GHSR: variants seen among roughly 807,000 people sequenced by gnomAD.
The protein encoded by GHSR is growth hormone secretagogue receptor type 1.
GHSR carries 17 observed loss-of-function variants against 24.0 expected under a neutral mutation model. The observed-to-expected ratio is 0.71, with a 90% CI of 0.49 to 1.06. The LOEUF (loss-of-function observed/expected upper bound fraction) is 1.06, where lower values mean the gene tolerates loss of function less well. Ranked by LOEUF, GHSR falls within the 50% of genes least tolerant of loss-of-function variation. The pLI, the probability that GHSR is intolerant of heterozygous loss-of-function variation, is 0.00. For synonymous variants in GHSR, 238 were observed against 208.1 expected (o/e 1.14, Z -1.24); for missense variants, 504 against 483.1 (o/e 1.04, Z -0.41).
rs1311624997 is a variant in GHSR at position 172,447,721 on chromosome 3, G to A, written c.693C>T (p.Leu231=). Residue 231 remains leucine, a synonymous_variant, in exon 1 of 2, where the codon CTC becomes CTT. Transcript: ENST00000241256. ...ACAGCTTCCTGCCGATGAGACTGTA[G>A]AGGACCGTGAGACAGAAGACAGGAA... ...FFLPVFCLTV[L]YSLIGRKLWR... 1.9e-6 allele frequency: 3 copies of A among 1,614,034 alleles called. No homozygotes were observed. Among genetic ancestry groups the A allele is most frequent in the Non-Finnish European group, 1.7e-6 (2 of 1,180,044 alleles).
rs145364247 is a variant in GHSR, at chr3:172,444,322, G to A, written c.*839C>T. On this transcript the variant is annotated 3_prime_UTR_variant, in exon 2 of 2. Coordinates refer to ENST00000241256, the MANE Select transcript of GHSR (RefSeq NM_198407.2). ...TTTAAACATTTCATATAAGGTGAAT[G>A]ATAAGTTTTGTATATACTCTAGAGC... is the stretch of plus-strand genomic sequence containing the variant. 6.6e-6 allele frequency among the ~76,000 whole-genome samples: 1 copy of A among 152,292 alleles called. No individual in the cohort carries two copies. The highest frequency in any genetic ancestry group is 1.9e-4 in the East Asian group (1 of 5,192).
chr3:172,447,573 G>T (rs770900158), intron 1 of GHSR, 45 bp downstream of exon 1: 3 of 1,610,662 alleles, frequency 1.9e-6, no homozygotes, highest in South Asian at 2.2e-5. Flanking sequence ...CACAGGGAGA[G>T]GATAGGACCC....
In GHSR at chr3:172,447,691, C is replaced by T; in HGVS notation, c.723G>A (p.Arg241=). ...CCACGACAGCATCGCCGCGCCTCCT[C>T]CGCCACAGCTTCCTGCCGATGAGAC... is the stretch of plus-strand genomic sequence containing the variant. ...LYSLIGRKLW[R]RRRGDAVVGA... Residue 241 remains arginine, a synonymous_variant, in exon 1 of 2, where the codon CGG becomes CGA. Coordinates refer to ENST00000241256, the MANE Select transcript of GHSR (RefSeq NM_198407.2). The T allele has an allele frequency of 6.2e-7, 1 of 1,614,098 alleles. No individual in the cohort carries two copies. The highest frequency in any genetic ancestry group is 8.5e-7 in the Non-Finnish European group (1 of 1,180,012).
In GHSR at chr3:172,444,084, G is replaced by A. The variant is rs1737400384; in HGVS notation, c.*1077C>T. Among the ~76,000 whole-genome samples the A allele has an allele frequency of 6.6e-6, 1 of 152,120 alleles. No homozygotes were observed. ...TTTGTTAAGCCATATGAGGCAGTTT[G>A]TGATTACCCATAATTGTTTTAAAAA... On this transcript the variant is annotated 3_prime_UTR_variant, in exon 2 of 2. Coordinates refer to ENST00000241256, the MANE Select transcript of GHSR (RefSeq NM_198407.2).
chr3:172,445,227 C>A lies in GHSR; in HGVS notation c.1035G>T (p.Gln345His), dbSNP rs745505376. ...CATCTTTCAGAGTGGAGAGCTTTCT[C>A]TGGGAGAAGGGTTCGAATCCCAGAA... ...FRLLGFEPFS[Q>H]RKLSTLKDES... Residue 345 changes from glutamine to histidine, a missense_variant, in exon 2 of 2, where the codon CAG becomes CAT. Coordinates refer to ENST00000241256, the MANE Select transcript of GHSR (RefSeq NM_198407.2). 3.1e-6 allele frequency: 5 copies of A among 1,614,114 alleles called. No individual in the cohort carries two copies. The Admixed American group carries it at 8.3e-5, about 27-fold the overall frequency.
Position 172,447,718 on chromosome 3 carries a change from G to A in GHSR, c.696C>T (p.Tyr232=), listed in dbSNP as rs1367285169. The A allele has an allele frequency of 6.2e-7, 1 of 1,614,022 alleles. No homozygotes were observed. The highest frequency in any genetic ancestry group is 8.5e-7 in the Non-Finnish European group (1 of 1,180,040). ...FLPVFCLTVL[Y]SLIGRKLWRR... is the part of the protein sequence containing the mutation. ...GCCACAGCTTCCTGCCGATGAGACT[G>A]TAGAGGACCGTGAGACAGAAGACAG... Residue 232 remains tyrosine, a synonymous_variant, in exon 1 of 2, where the codon TAC becomes TAT. Transcript: ENST00000241256.
intron 1 of GHSR, 115 bp from the exon 2 acceptor site, chr3:172,445,580 C>T (rs1024317444): frequency 1.2e-5 from 13 of 1,048,142 alleles, no homozygotes; most frequent in Non-Finnish European, 1.7e-5. Flanking sequence ...TTCAGAGAAA[C>T]ATTGTGTCCT....
chr3:172,444,669 T>C lies in GHSR; in HGVS notation c.*492A>G, dbSNP rs1425202896. ...AAGAATGTAAATTCCTTTTTAATAATTTTTGTACTGATTGCTCACGTGCCT... is the reference window on the plus strand; with the variant it reads ...AAGAATGTAAATTCCTTTTTAATAACTTTTGTACTGATTGCTCACGTGCCT... On this transcript the variant is annotated 3_prime_UTR_variant, in exon 2 of 2. Transcript: ENST00000241256. Among the ~76,000 whole-genome samples the C allele has an allele frequency of 1.3e-5, 2 of 152,240 alleles. No individual in the cohort carries two copies. The highest frequency in any genetic ancestry group is 2.4e-5 in the African/African-American group (1 of 41,466).
chr3:172,446,918 G>A lies in GHSR; in HGVS notation c.796+700C>T, dbSNP rs193193152. Among the ~76,000 whole-genome samples, 7 of 152,266 alleles carry A rather than the reference G, an allele frequency of 4.6e-5. No homozygotes were observed. The East Asian group carries it at 1.3e-3, about 29-fold the overall frequency. On this transcript the variant is annotated intron_variant, in intron 1 of 1. Coordinates refer to ENST00000241256, the MANE Select transcript of GHSR (RefSeq NM_198407.2). ...GAGGCAGGTAATCATAAAAACAAAT[G>A]AGACTTCACTGATTTGTCACTGACT...
In GHSR at chr3:172,448,186, G is replaced by A. The variant is rs762219121; in HGVS notation, c.228C>T (p.Thr76=). Reference sequence around the variant, plus strand: ...TGCTGGACAGGTAGAGGTTGGTGGTGGTGCGCAGCTCGCGGAAGCGCGACA... The same window carrying A: ...TGCTGGACAGGTAGAGGTTGGTGGTAGTGCGCAGCTCGCGGAAGCGCGACA... ...LVVSRFRELR[T]TTNLYLSSMA... is the part of the protein sequence containing the mutation. The change falls in exon 1 of 2, where the codon ACC becomes ACT. Residue 76 remains threonine (T), a synonymous_variant. Transcript: ENST00000241256. The surrounding 1 kb of genome is among the most constrained non-coding windows in gnomAD (Gnocchi z 4.8). 16 of 1,614,096 alleles carry A rather than the reference G, an allele frequency of 9.9e-6. No homozygotes were observed. Among genetic ancestry groups the A allele is most frequent in the Non-Finnish European group, 1.4e-5 (16 of 1,180,042 alleles).
In GHSR at chr3:172,444,420, TTTTAAC is replaced by T. The variant is rs1272829892; in HGVS notation, c.*735_*740del. Among the ~76,000 whole-genome samples the T allele has an allele frequency of 2.0e-5, 3 of 152,226 alleles. No individual in the cohort carries two copies. The highest frequency in any genetic ancestry group is 7.2e-5 in the African/African-American group (3 of 41,460). On this transcript the variant is annotated 3_prime_UTR_variant, in exon 2 of 2. Coordinates refer to ENST00000241256, the MANE Select transcript of GHSR (RefSeq NM_198407.2). The stretch of plus-strand genomic sequence containing the variant: ...GACTAGTGCAACTGAAGAACTGAAT[TTTTAAC>T]TTTAATTAATTTTAAGTTTAAAGGT...
In GHSR at chr3:172,448,349, T is replaced by C. The variant is rs1737539468; in HGVS notation, c.65A>G (p.Asp22Gly). Residue 22 changes from aspartate to glycine, a missense_variant, in exon 1 of 2, where the codon GAT (aspartate) becomes GGT (glycine). By Grantham distance (94) the Asp-to-Gly change is moderately conservative. Transcript: ENST00000241256. This position sits in a 1 kb window ranked among gnomAD's most constrained non-coding sequence, Gnocchi z 4.8. ...FNLTLADLDW[D>G]ASPGNDSLGD... ...CAGCGAGTCGTTGCCGGGGGAAGCA[T>C]CCCAGTCCAGGTCGGCCAGTGTGAG... 4 of 1,602,736 alleles carry C rather than the reference T, an allele frequency of 2.5e-6. No individual in the cohort carries two copies. Among genetic ancestry groups the C allele is most frequent in the Non-Finnish European group, 3.4e-6 (4 of 1,179,818 alleles).
At chr3:172,447,468 G>A (rs9868756) in intron 1 of GHSR, 150 bp downstream of exon 1, 256 of 1,478,586 alleles carry the variant, frequency 1.7e-4, no homozygotes, top group Non-Finnish European at 2.1e-4. Flanking sequence ...GAATAATTGA[G>A]AGAAACGCAG....
rs200978184 is a variant in GHSR at position 172,448,204 on chromosome 3, G to A, written c.210C>T (p.Arg70=). Residue 70 remains arginine, a synonymous_variant, in exon 1 of 2, where the codon CGC becomes CGT. Coordinates refer to ENST00000241256, the MANE Select transcript of GHSR (RefSeq NM_198407.2). The surrounding 1 kb of genome is among the most constrained non-coding windows in gnomAD (Gnocchi z 4.8). ...GNLLTMLVVS[R]FRELRTTTNL... ...TGGTGGTGGTGCGCAGCTCGCGGAA[G>A]CGCGACACCACCAGCATGGTGAGCA... 615 of 1,614,170 alleles carry A rather than the reference G, an allele frequency of 3.8e-4. 5 individuals carry two copies. In the South Asian group the frequency reaches 6.3e-3, roughly 17 times the overall value.
At chr3:172,445,940 C>CT (rs201114795) in intron 1 of GHSR, among the ~76,000 whole-genome samples, 8,121 of 145,514 alleles carry the variant, frequency 0.056, 230 homozygotes, top group Middle Eastern at 0.11. Flanking sequence ...TTTATCTTCT[C>CT]TTTTTTTTTT....
In GHSR at chr3:172,445,195, G is replaced by A; in HGVS notation, c.1067C>T (p.Ser356Phe). Reference sequence around the variant, plus strand: ...AATACTAGATTCTGTCCAGGCCCGAGAACTTTCATCTTTCAGAGTGGAGAG... The same window carrying A: ...AATACTAGATTCTGTCCAGGCCCGAAAACTTTCATCTTTCAGAGTGGAGAG... The part of the protein sequence containing the change: ...RKLSTLKDES[S>F]RAWTESSINT Residue 356 changes from serine (S) to phenylalanine (F), a missense_variant, in exon 2 of 2, where the codon TCT becomes TTT. By Grantham distance (155) the Ser-to-Phe change is radical. Coordinates refer to ENST00000241256, the MANE Select transcript of GHSR (RefSeq NM_198407.2). The A allele has an allele frequency of 1.9e-6, 3 of 1,614,166 alleles. No individual in the cohort carries two copies. The highest frequency in any genetic ancestry group is 2.5e-6 in the Non-Finnish European group (3 of 1,180,024).
At chr3:172,447,475 G>C (rs764982184) in intron 1 of GHSR, 143 bp downstream of exon 1, 1 of 1,492,456 alleles carries the variant, frequency 6.7e-7, no homozygotes, top group Middle Eastern at 1.8e-4. Flanking sequence ...TGAGAGAAAC[G>C]CAGAGAGACA....
chr3:172,445,879 A>G (rs1030035799), intron 1 of GHSR, among the ~76,000 whole-genome samples: 1 of 152,096 alleles, frequency 6.6e-6, no homozygotes, highest in African/African-American at 2.4e-5. Context: ...CCTTGGATGT[A>G]GTATAGACTC....
rs1231776071 is a variant in GHSR at position 172,448,365 on chromosome 3, C to T, written c.49G>A (p.Ala17Thr). The T allele has an allele frequency of 5.0e-6, 8 of 1,600,690 alleles. No individual in the cohort carries two copies. In the East Asian group the frequency reaches 1.1e-4, roughly 22 times the overall value. The change falls in exon 1 of 2, where the codon GCC becomes ACC. Residue 17 changes from alanine to threonine, a missense_variant. Physicochemically the swap from Ala to Thr is moderately conservative, Grantham distance 58. Transcript: ENST00000241256. The surrounding 1 kb of genome is among the most constrained non-coding windows in gnomAD (Gnocchi z 4.8). ...SEEPGFNLTLADLDWDASPGN... is the reference protein window; with the variant it reads ...SEEPGFNLTLTDLDWDASPGN... ...GGGGAAGCATCCCAGTCCAGGTCGG[C>T]CAGTGTGAGGTTGAACCCCGGCTCT...
Sources: allele counts gnomAD v4.1 joint callset (sites outside exome capture counted in the v4.1 genomes callset), GRCh38; gene constraint gnomAD v4.1.1; non-coding constraint Gnocchi (gnomAD v3.1); transcripts MANE v1.5; gene names NCBI Gene and HGNC (gene_info 2026-07-23, HGNC 2026-07-21).